The following KDM2A variants were observed in gnomAD, a reference collection of about 807,000 sequenced individuals.
KDM2A encodes the protein lysine-specific demethylase 2A.
A neutral mutation model predicts 137.3 loss-of-function variants in KDM2A; 3 were observed. The observed-to-expected ratio is 0.02, with a 90% confidence interval of 0.01 to 0.06. KDM2A has a LOEUF of 0.06. Among genes scored for constraint, KDM2A ranks in the 10% least tolerant of loss-of-function variants. KDM2A has a pLI of 1.00. For synonymous variants in KDM2A, 512 were observed against 541.5 expected (o/e 0.95, Z 0.76); for missense variants, 738 against 1,510.6 (o/e 0.49, Z 8.48).
chr11:67,194,724 C>T (rs933829275), intron 5 of KDM2A, among the ~76,000 whole-genome samples: 1 of 152,178 alleles, frequency 6.6e-6, no homozygotes, highest in Non-Finnish European at 1.5e-5. Context: ...GAAGGAGGTA[C>T]AAGGATAGAT....
chr11:67,158,779 GC>G (rs1261445896), intron 2 of KDM2A, among the ~76,000 whole-genome samples: 1 of 151,926 alleles, frequency 6.6e-6, no homozygotes, highest in African/African-American at 2.4e-5. Context: ...GTGAACCACC[GC>G]CCCCAGCCTG....
At chr11:67,191,818 A>G (rs1214279670) in intron 5 of KDM2A, among the ~76,000 whole-genome samples, 1 of 152,242 alleles carries the variant, frequency 6.6e-6, no homozygotes, top group Non-Finnish European at 1.5e-5. Context: ...TCAATGTAGC[A>G]CTGGAAGTCC....
intron 13 of KDM2A, among the ~76,000 whole-genome samples, chr11:67,244,527 A>G (rs1052187799): frequency 7.1e-6 from 1 of 141,222 alleles, no homozygotes; most frequent in African/African-American, 2.7e-5. Flanking sequence ...GGAGGGGTGA[A>G]TCTTAACAGC....
intron 10 of KDM2A, among the ~76,000 whole-genome samples, chr11:67,224,945 A>G (rs1565412869): frequency 6.9e-6 from 1 of 145,242 alleles, no homozygotes; most frequent in Non-Finnish European, 1.5e-5. Context: ...AGGTTCAAAC[A>G]ATTCTCCTGC....
At chr11:67,214,707 A>C (rs571079980) in intron 6 of KDM2A, among the ~76,000 whole-genome samples, 2 of 152,150 alleles carry the variant, frequency 1.3e-5, no homozygotes, top group East Asian at 3.9e-4. Context: ...CCTGGGTTCA[A>C]GTGATCTTCC....
Position 67,215,957 on chromosome 11 carries a change from C to A in KDM2A, c.687+8C>A. On this transcript the variant is annotated splice_region_variant and intron_variant, in intron 8 of 20. Coordinates refer to ENST00000529006, the MANE Select transcript of KDM2A (RefSeq NM_012308.3). Reference sequence around the variant, plus strand: ...ATCCATCAAGGGGGAAAGGTATGGTCATAGTTGTGATAGGGGTTGGAATCT... The same window carrying A: ...ATCCATCAAGGGGGAAAGGTATGGTAATAGTTGTGATAGGGGTTGGAATCT... The A allele has an allele frequency of 6.2e-7, 1 of 1,609,092 alleles. No individual in the cohort carries two copies. The highest frequency in any genetic ancestry group is 1.1e-5 in the South Asian group (1 of 90,922).
chr11:67,199,228 C>T (rs996871784), intron 5 of KDM2A, among the ~76,000 whole-genome samples: 2 of 152,160 alleles, frequency 1.3e-5, no homozygotes, highest in Non-Finnish European at 2.9e-5. Context: ...TCAGGCCTCC[C>T]TATTTCCTGA....
intron 13 of KDM2A, among the ~76,000 whole-genome samples, chr11:67,244,357 A>G (rs1859140897): frequency 6.6e-6 from 1 of 152,196 alleles, no homozygotes; most frequent in African/African-American, 2.4e-5. Context: ...ACCAGTTCGT[A>G]TGCTTGAATT....
rs1857705724 is a variant in KDM2A at position 67,203,463 on chromosome 11, A to ATTAT, written c.308-4045_308-4042dup. Among the ~76,000 whole-genome samples, 10 of 4,440 alleles carry ATTAT rather than the reference A, an allele frequency of 2.3e-3. No individual in the cohort carries two copies. In the South Asian group the frequency reaches 0.19, roughly 85 times the overall value. The allele number at this position is 4,440 out of a possible 152,430, so 2.9% of individuals were successfully genotyped here. A position where few individuals can be genotyped will look rare whatever the true frequency, so the allele number is the denominator to read the frequency against. On this transcript the variant is annotated intron_variant, in intron 5 of 20. Coordinates refer to ENST00000529006, the MANE Select transcript of KDM2A (RefSeq NM_012308.3). ...TATATTAATATAATTATATTTATTAATTATTAATAATTATTAATATATATT... is the reference window on the plus strand; with the variant it reads ...TATATTAATATAATTATATTTATTAATTATTTATTAATAATTATTAATATATATT...
chr11:67,142,491 A>G (rs1856128732), intron 2 of KDM2A, among the ~76,000 whole-genome samples: 1 of 148,924 alleles, frequency 6.7e-6, no homozygotes, highest in Non-Finnish European at 1.5e-5. Context: ...CCTCTACTAA[A>G]AATACAGAAA....
intron 2 of KDM2A, among the ~76,000 whole-genome samples, chr11:67,171,448 G>A (rs1246155233): frequency 5.3e-5 from 8 of 151,266 alleles, no homozygotes; most frequent in Non-Finnish European, 1.0e-4. Flanking sequence ...AGAACATAAT[G>A]GGGCCTTAAG....
chr11:67,210,343 A>C (rs1857943717), intron 6 of KDM2A, among the ~76,000 whole-genome samples: 1 of 152,122 alleles, frequency 6.6e-6, no homozygotes. Flanking sequence ...CTTTTGAAAA[A>C]AAAAACAAAA....
intron 5 of KDM2A, among the ~76,000 whole-genome samples, chr11:67,204,192 CG>C (rs1565402525): frequency 6.6e-6 from 1 of 152,150 alleles, no homozygotes; most frequent in Non-Finnish European, 1.5e-5. Context: ...ATAACCATTA[CG>C]TTTTTTTCTT....
intron 2 of KDM2A, among the ~76,000 whole-genome samples, chr11:67,161,243 C>CTT (rs1230236930): frequency 1.3e-5 from 2 of 152,140 alleles, no homozygotes; most frequent in Admixed American, 6.5e-5. Flanking sequence ...AAAAACAAGA[C>CTT]TTTAGTGATG....
At chr11:67,246,164 G>GT in intron 15 of KDM2A, 48 bp downstream of exon 15, 1 of 1,606,780 alleles carries the variant, frequency 6.2e-7, no homozygotes, top group Non-Finnish European at 8.5e-7. Context: ...AATGGAGTGA[G>GT]TGACACAACA....
chr11:67,202,991 T>C (rs1590780128), intron 5 of KDM2A, among the ~76,000 whole-genome samples: 2 of 144,198 alleles, frequency 1.4e-5, no homozygotes, highest in East Asian at 4.0e-4. Context: ...CAAGACCCTG[T>C]CCGTCCGCCG....
chr11:67,215,625 C>T (rs147507210), intron 7 of KDM2A, 179 bp downstream of exon 7: 11 of 608,308 alleles, frequency 1.8e-5, no homozygotes, highest in African/African-American at 1.7e-4. Flanking sequence ...CCATAGCACA[C>T]AACCACACAG....
chr11:67,148,695 G>T (rs1203186798), intron 2 of KDM2A, among the ~76,000 whole-genome samples: 3 of 152,086 alleles, frequency 2.0e-5, no homozygotes, highest in Non-Finnish European at 4.4e-5. Context: ...CAGCTAATTG[G>T]GAGGCTGAGG....
At chr11:67,235,076 C>T (rs1418438481) in intron 12 of KDM2A, among the ~76,000 whole-genome samples, 10 of 142,004 alleles carry the variant, frequency 7.0e-5, no homozygotes, top group African/African-American at 1.9e-4. Flanking sequence ...ACCCGGGAGG[C>T]GGAGCTTGCA....
Sources: allele counts gnomAD v4.1 joint callset (sites outside exome capture counted in the v4.1 genomes callset), GRCh38; gene constraint gnomAD v4.1.1; transcripts MANE v1.5; gene names NCBI Gene and HGNC (gene_info 2026-07-23, HGNC 2026-07-21).